Variants in CKS2 observed in about 807,000 individuals in gnomAD.
The protein encoded by CKS2 is cyclin-dependent kinases regulatory subunit 2.
CKS2 carries 4 observed loss-of-function variants against 14.3 expected under a neutral mutation model. The observed-to-expected ratio is 0.28, with a 90% confidence interval of 0.14 to 0.64. The LOEUF (loss-of-function observed/expected upper bound fraction) is 0.64, where lower values mean the gene tolerates loss of function less well. CKS2 is among the 30% of genes least tolerant of loss of function. CKS2 has a pLI of 0.83. For missense variants in CKS2, 71 were observed against 94.3 expected (o/e 0.75, Z 1.02); for synonymous variants, 33 against 28.7 (o/e 1.15, Z -0.48).
At chr9:89,313,497 T>C (rs893104041) in intron 1 of CKS2, among the ~76,000 whole-genome samples, 1 of 152,246 alleles carries the variant, frequency 6.6e-6, no homozygotes, top group African/African-American at 2.4e-5. Context: ...ATAATTTTCC[T>C]TACATGTAGT....
At chr9:89,313,317 A>G (rs982444047) in intron 1 of CKS2, among the ~76,000 whole-genome samples, 1 of 152,202 alleles carries the variant, frequency 6.6e-6, no homozygotes, top group African/African-American at 2.4e-5. Flanking sequence ...TAGTCCTTTT[A>G]CGTGAGGGTC....
chr9:89,311,385 C>T (rs11137560), intron 1 of CKS2, 34 bp downstream of exon 1: 2 of 1,578,040 alleles, frequency 1.3e-6, no homozygotes, highest in East Asian at 2.5e-5. Flanking sequence ...AGCCGGCTCC[C>T]TCAGCCGGGG....
chr9:89,315,693 C>T (rs1286258138), intron 2 of CKS2, among the ~76,000 whole-genome samples: 1 of 151,020 alleles, frequency 6.6e-6, no homozygotes, highest in Non-Finnish European at 1.5e-5. Context: ...GGATATATAC[C>T]ACATGAAGTT....
chr9:89,315,105 T>A, intron 1 of CKS2, 65 bp from the exon 2 acceptor site: 1 of 1,436,298 alleles, frequency 7.0e-7, no homozygotes, highest in Non-Finnish European at 9.4e-7. Context: ...TTCCTTAAGG[T>A]ACATGTATAA....
intron 1 of CKS2, 79 bp downstream of exon 1, chr9:89,311,430 T>C: frequency 7.5e-5 from 37 of 492,328 alleles, no homozygotes; most frequent in Non-Finnish European, 1.1e-4. Context: ...CATAGTAGGG[T>C]CGGGGGTGGG....
intron 1 of CKS2, 69 bp downstream of exon 1, chr9:89,311,420 C>A: frequency 1.6e-6 from 2 of 1,232,198 alleles, no homozygotes; most frequent in Non-Finnish European, 2.3e-6. Context: ...GCGACCCAGG[C>A]ATAGTAGGGT....
At chr9:89,315,416 G>GTTTT in intron 2 of CKS2, 119 bp downstream of exon 2, 1 of 682,348 alleles carries the variant, frequency 1.5e-6, no homozygotes, top group Non-Finnish European at 2.0e-6. Context: ...GTTCTGATAA[G>GTTTT]TTTTTTTTTT....
At chr9:89,312,210 C>T (rs1319146472) in intron 1 of CKS2, 1 of 154,746 alleles carries the variant, frequency 6.5e-6, no homozygotes, top group Admixed American at 6.5e-5. Context: ...TGGCTGTAAT[C>T]GATCAGTAAA....
intron 1 of CKS2, among the ~76,000 whole-genome samples, chr9:89,312,888 G>A (rs1440657995): frequency 1.3e-5 from 2 of 152,034 alleles, no homozygotes; most frequent in African/African-American, 4.8e-5. Context: ...AGGATTTAAG[G>A]GTCGGTACAA....
intron 1 of CKS2, 63 bp downstream of exon 1, chr9:89,311,414 C>T: frequency 7.0e-7 from 1 of 1,420,398 alleles, no homozygotes. Flanking sequence ...GGCGGGGCGA[C>T]CCAGGCATAG....
intron 1 of CKS2, 97 bp downstream of exon 1, chr9:89,311,448 GCCT>G: frequency 5.1e-6 from 4 of 777,512 alleles, no homozygotes; most frequent in Non-Finnish European, 7.7e-6. Context: ...GGGGGCCGGG[GCCT>G]GGGGGGCGGA....
chr9:89,311,218 C>G lies in CKS2; in HGVS notation c.-75C>G, dbSNP rs564186726. 7.8e-6 allele frequency: 10 copies of G among 1,274,794 alleles called. No homozygotes were observed. Among genetic ancestry groups the G allele is most frequent in the African/African-American group, 3.0e-5 (2 of 67,302 alleles). 79.0% of individuals were successfully genotyped at this position (1,274,794 alleles called of 1,614,324 possible). A position where few individuals can be genotyped will look rare whatever the true frequency, so the allele number is the denominator to read the frequency against. ...TCGTTAGTCTCCGGCGAGTTGTTGC[C>G]TGGGCTGGACGTGGTTTTGTCTGCT... On this transcript the variant is annotated 5_prime_UTR_variant, in exon 1 of 3. Coordinates refer to ENST00000314355, the MANE Select transcript of CKS2 (RefSeq NM_001827.3).
chr9:89,313,496 C>T (rs916946490), intron 1 of CKS2, among the ~76,000 whole-genome samples: 9 of 152,200 alleles, frequency 5.9e-5, no homozygotes. Flanking sequence ...AATAATTTTC[C>T]TTACATGTAG....
Position 89,311,438 on chromosome 9 carries a change from GGGGGCCGGGGCCTGGGGGGCGGAGCCC to G in CKS2, c.59+96_59+122del, listed in dbSNP as rs1357483859. ...ACCCAGGCATAGTAGGGTCGGGGGTGGGGGCCGGGGCCTGGGGGGCGGAGCCCGGGGCCGGAGGGCGAGGGCCGGGGT... is the reference window on the plus strand; with the variant it reads ...ACCCAGGCATAGTAGGGTCGGGGGTGGGGGCCGGAGGGCGAGGGCCGGGGT... On this transcript the variant is annotated intron_variant, in intron 1 of 2. Coordinates refer to ENST00000314355, the MANE Select transcript of CKS2 (RefSeq NM_001827.3). 4 of 1,005,624 alleles carry G rather than the reference GGGGGCCGGGGCCTGGGGGGCGGAGCCC, an allele frequency of 4.0e-6. No individual in the cohort carries two copies. The East Asian group carries it at 9.9e-5, about 25-fold the overall frequency. The allele number at this position is 1,005,624 out of a possible 1,614,324, so 62.3% of individuals were successfully genotyped here.
Position 89,311,322 on chromosome 9 carries a change from C to T in CKS2, c.30C>T (p.Asp10=), listed in dbSNP as rs1824601756. 2 of 1,610,822 alleles carry T rather than the reference C, an allele frequency of 1.2e-6. No individual in the cohort carries two copies. Among genetic ancestry groups the T allele is most frequent in the African/African-American group, 1.3e-5 (1 of 74,758 alleles). Residue 10 remains aspartate, a synonymous_variant, in exon 1 of 3, where the codon GAC becomes GAT. Transcript: ENST00000314355. The stretch of plus-strand genomic sequence containing the variant: ...CCCACAAGCAGATCTACTACTCGGA[C>T]AAGTACTTCGACGAACACTACGAGT... MAHKQIYYS[D]KYFDEHYEYR...
At chr9:89,311,434 G>C in intron 1 of CKS2, 83 bp downstream of exon 1, 3 of 1,099,478 alleles carry the variant, frequency 2.7e-6, no homozygotes, top group Non-Finnish European at 3.8e-6. Context: ...GTAGGGTCGG[G>C]GGTGGGGGCC....
At position 89,315,226 on chromosome 9, in the gene CKS2, C is replaced by G; in HGVS notation, c.116C>G (p.Ser39Cys). Residue 39 changes from serine (S) to cysteine (C), a missense_variant, in exon 2 of 3, where the codon TCT (serine) becomes TGT (cysteine). Physicochemically the swap from Ser to Cys is moderately radical, Grantham distance 112. Coordinates refer to ENST00000314355, the MANE Select transcript of CKS2 (RefSeq NM_001827.3). ...SKQVPKTHLM[S>C]EEEWRRLGVQ... ...CAAGTACCTAAAACTCATCTGATGT[C>G]TGAAGAGGAGTGGAGGAGACTTGGT... The G allele has an allele frequency of 6.2e-7, 1 of 1,611,808 alleles. No individual in the cohort carries two copies.
intron 1 of CKS2, among the ~76,000 whole-genome samples, chr9:89,314,814 C>T (rs2131463907): frequency 6.6e-6 from 1 of 152,284 alleles, no homozygotes; most frequent in Middle Eastern, 3.4e-3. Flanking sequence ...TGTTCTTTCC[C>T]TTTGAGAACA....
At chr9:89,311,557 G>GTT (rs1824609506) in intron 1 of CKS2, among the ~76,000 whole-genome samples, 2 of 152,260 alleles carry the variant, frequency 1.3e-5, no homozygotes, top group African/African-American at 4.8e-5. Flanking sequence ...GCGCCGGGCC[G>GTT]GTTGGGCCTT....
Sources: allele counts gnomAD v4.1 joint callset (sites outside exome capture counted in the v4.1 genomes callset), GRCh38; gene constraint gnomAD v4.1.1; transcripts MANE v1.5; gene names NCBI Gene and HGNC (gene_info 2026-07-23, HGNC 2026-07-21).